SAMD4A: variants seen among roughly 807,000 people sequenced by gnomAD.
SAMD4A encodes the protein protein Smaug homolog 1.
A neutral mutation model predicts 81.3 loss-of-function variants in SAMD4A; 33 were observed. That is an observed-to-expected ratio of 0.41 (90% CI 0.31 to 0.54). SAMD4A has a LOEUF of 0.54. SAMD4A is among the 20% of genes least tolerant of loss of function. The pLI is 0.37. For missense variants in SAMD4A, 854 were observed against 951.1 expected (o/e 0.90, Z 1.34); for synonymous variants, 389 against 382.1 (o/e 1.02, Z -0.21).
At chr14:54,617,164 A>C (rs532500554) in intron 2 of SAMD4A, among the ~76,000 whole-genome samples, 8 of 152,332 alleles carry the variant, frequency 5.3e-5, no homozygotes, top group African/African-American at 1.9e-4. Flanking sequence ...TTCTATGAGA[A>C]TAAAGGAGGG....
At chr14:54,759,333 C>T (rs2139855105) in intron 6 of SAMD4A, among the ~76,000 whole-genome samples, 1 of 152,298 alleles carries the variant, frequency 6.6e-6, no homozygotes, top group East Asian at 1.9e-4. Flanking sequence ...CCACCTGCTC[C>T]ATCGCAGGCC....
intron 2 of SAMD4A, among the ~76,000 whole-genome samples, chr14:54,696,347 TA>T (rs1566590273): frequency 6.6e-6 from 1 of 152,258 alleles, no homozygotes; most frequent in Non-Finnish European, 1.5e-5. Context: ...AAGCTTTTAG[TA>T]CATGATGTGT....
intron 8 of SAMD4A, among the ~76,000 whole-genome samples, chr14:54,765,464 A>G (rs1259981554): frequency 6.6e-6 from 1 of 150,806 alleles, no homozygotes; most frequent in Non-Finnish European, 1.5e-5. Context: ...CACTACGAAA[A>G]AAAAAAAAAA....
intron 12 of SAMD4A, among the ~76,000 whole-genome samples, chr14:54,787,590 G>T (rs927188432): frequency 9.2e-5 from 14 of 152,310 alleles, no homozygotes; most frequent in African/African-American, 2.9e-4. Context: ...GTAATATTGG[G>T]GCTTGGACTG....
At chr14:54,760,603 C>T in intron 7 of SAMD4A, 109 bp downstream of exon 7, 1 of 1,344,582 alleles carries the variant, frequency 7.4e-7, no homozygotes, top group South Asian at 2.1e-5. Flanking sequence ...TCCAAGTAGA[C>T]ATCATTAGCT....
intron 3 of SAMD4A, among the ~76,000 whole-genome samples, chr14:54,727,166 C>CCTTTT (rs2037437656): frequency 1.7e-5 from 1 of 59,146 alleles, no homozygotes; most frequent in Admixed American, 2.5e-4. Flanking sequence ...TCTTTTTTTC[C>CCTTTT]TTTTTTTTTT....
intron 2 of SAMD4A, among the ~76,000 whole-genome samples, chr14:54,626,665 G>A (rs915966681): frequency 4.6e-5 from 7 of 151,952 alleles, no homozygotes; most frequent in Admixed American, 1.3e-4. Flanking sequence ...TTCCAGTTGC[G>A]TTTGTTTTTC....
chr14:54,654,811 T>C (rs2035483007), intron 2 of SAMD4A, among the ~76,000 whole-genome samples: 1 of 152,196 alleles, frequency 6.6e-6, no homozygotes, highest in Admixed American at 6.5e-5. Flanking sequence ...CCACCAGCCT[T>C]CACTCCATGG....
chr14:54,767,001 G>A (rs2038563102), intron 8 of SAMD4A, among the ~76,000 whole-genome samples: 1 of 152,216 alleles, frequency 6.6e-6, no homozygotes. Flanking sequence ...GCCCAGAGGG[G>A]CCTCTCGTGG....
chr14:54,726,322 G>C (rs779756396), intron 3 of SAMD4A, among the ~76,000 whole-genome samples: 31 of 152,010 alleles, frequency 2.0e-4, no homozygotes, highest in Non-Finnish European at 4.1e-4. Context: ...TTCCTGCCCA[G>C]GTATCATTTG....
At chr14:54,598,608 G>A (rs1193888571) in intron 2 of SAMD4A, among the ~76,000 whole-genome samples, 1 of 152,152 alleles carries the variant, frequency 6.6e-6, no homozygotes, top group African/African-American at 2.4e-5. Flanking sequence ...TAGATTTGCT[G>A]TGTCAAAAGT....
At chr14:54,760,118 T>A (rs762162841) in intron 6 of SAMD4A, 43 bp from the exon 7 acceptor site, 15 of 1,591,432 alleles carry the variant, frequency 9.4e-6, no homozygotes, top group Non-Finnish European at 1.3e-5. Context: ...GGATGACCCT[T>A]ATTCCTGAGC....
At chr14:54,613,137 A>AAAAGAAGG (rs1555336311) in intron 2 of SAMD4A, among the ~76,000 whole-genome samples, 2 of 144,526 alleles carry the variant, frequency 1.4e-5, no homozygotes, top group African/African-American at 5.2e-5. Flanking sequence ...AGAGAGAGAG[A>AAAAGAAGG]AAGGAAGGAA....
In SAMD4A at chr14:54,702,213, C is replaced by T. The variant is rs1280531816; in HGVS notation, c.348C>T (p.Asn116=). The T allele has an allele frequency of 6.8e-6, 11 of 1,614,082 alleles. No individual in the cohort carries two copies. Among genetic ancestry groups the T allele is most frequent in the Admixed American group, 5.0e-5 (3 of 59,986 alleles). Residue 116 remains asparagine (N), a synonymous_variant, in exon 3 of 13, where the codon AAC becomes AAT. Transcript: ENST00000554335. ...PKILAHSIEH[N]QHIEESRQLL... ...TCCTGGCTCACTCTATTGAACACAA[C>T]CAGCACATTGAGGAGAGCAGGCAGC...
chr14:54,700,257 T>C (rs1164178949), intron 2 of SAMD4A, among the ~76,000 whole-genome samples: 1 of 152,044 alleles, frequency 6.6e-6, no homozygotes, highest in Non-Finnish European at 1.5e-5. Flanking sequence ...CAGATGCTAT[T>C]TGGGGCTCAG....
intron 2 of SAMD4A, among the ~76,000 whole-genome samples, 172 bp downstream of exon 2, chr14:54,568,284 GC>G (rs1317254381): frequency 1.4e-5 from 2 of 146,864 alleles, no homozygotes; most frequent in African/African-American, 5.1e-5. Context: ...CCCCACTACC[GC>G]CCCCCACCTA....
intron 8 of SAMD4A, 28 bp downstream of exon 8, chr14:54,764,568 A>G (rs771152785): frequency 1.6e-6 from 2 of 1,239,210 alleles, no homozygotes; most frequent in South Asian, 1.5e-5. Context: ...TTACAAAACC[A>G]TTTTTTTTTT....
intron 4 of SAMD4A, among the ~76,000 whole-genome samples, chr14:54,743,821 GCT>G (rs751154718): frequency 1.3e-5 from 2 of 152,180 alleles, no homozygotes; most frequent in African/African-American, 4.8e-5. Context: ...GACCAATCCT[GCT>G]CTCTTTTGCA....
chr14:54,681,103 C>T (rs1404742992), intron 2 of SAMD4A, among the ~76,000 whole-genome samples: 1 of 152,216 alleles, frequency 6.6e-6, no homozygotes, highest in African/African-American at 2.4e-5. Flanking sequence ...TCAGCTTAAC[C>T]TCAGCAGTGA....
Sources: gnomAD v4.1 joint callset for allele counts (sites outside exome capture counted in the v4.1 genomes callset) on GRCh38, gnomAD v4.1.1 for gene constraint, MANE v1.5 for transcripts, NCBI Gene and HGNC (gene_info 2026-07-23, HGNC 2026-07-21) for gene names.